Variants in CNTN5 observed in about 807,000 individuals in gnomAD.
CNTN5 encodes contactin 5, also known as contactin-5.
Under a neutral mutation model 129.1 loss-of-function variants are expected in CNTN5, and 77 were observed. The observed-to-expected ratio is 0.60, with a 90% confidence interval of 0.50 to 0.72. CNTN5 has a LOEUF of 0.72. Ranked by LOEUF, CNTN5 falls within the 30% of genes least tolerant of loss-of-function variation. The pLI, the probability that CNTN5 is intolerant of heterozygous loss-of-function variation, is 0.00. For missense variants in CNTN5, 1,478 were observed against 1,328.8 expected (o/e 1.11, Z -1.75); for synonymous variants, 509 against 465.6 (o/e 1.09, Z -1.20).
At chr11:99,609,030 C>G (rs1347155578) in intron 3 of CNTN5, among the ~76,000 whole-genome samples, 1 of 152,106 alleles carries the variant, frequency 6.6e-6, no homozygotes, top group Non-Finnish European at 1.5e-5. Flanking sequence ...GCTTTGTATG[C>G]CAGTTTCACA....
In CNTN5 at chr11:99,635,856, A is replaced by T. The variant is rs1951530704; in HGVS notation, c.55+79587A>T. On this transcript the variant is annotated intron_variant, in intron 3 of 24. Transcript: ENST00000524871. ...TTATTACAGTCACTTTATTTATAAA[A>T]GTATAAAACCCAGGAAAAAATTTCC... Among the ~76,000 whole-genome samples, 3 of 152,280 alleles carry T rather than the reference A, an allele frequency of 2.0e-5. 1 individual carries two copies. In the South Asian group the frequency reaches 6.2e-4, roughly 32 times the overall value.
intron 1 of CNTN5, among the ~76,000 whole-genome samples, chr11:99,134,366 TA>T (rs1433662858): frequency 2.0e-5 from 3 of 152,128 alleles, no homozygotes; most frequent in African/African-American, 7.2e-5. Flanking sequence ...TTTACCTGTA[TA>T]AAAAACCTGC....
intron 2 of CNTN5, among the ~76,000 whole-genome samples, chr11:99,325,854 C>T (rs933984804): frequency 2.0e-5 from 3 of 152,064 alleles, no homozygotes; most frequent in Non-Finnish European, 4.4e-5. Context: ...CTTTCTCAAC[C>T]GACATATAAT....
At chr11:100,331,208 T>G (rs1329212245) in intron 21 of CNTN5, among the ~76,000 whole-genome samples, 1 of 152,084 alleles carries the variant, frequency 6.6e-6, no homozygotes, top group East Asian at 1.9e-4. Flanking sequence ...AAACAAACTT[T>G]AAAGCAACAG....
intron 13 of CNTN5, among the ~76,000 whole-genome samples, chr11:100,138,596 G>A (rs1456193383): frequency 1.3e-5 from 2 of 152,076 alleles, no homozygotes; most frequent in Non-Finnish European, 2.9e-5. Flanking sequence ...TACTATGGCT[G>A]ATGATGATTG....
chr11:99,823,776 T>C (rs1261016895), intron 4 of CNTN5, among the ~76,000 whole-genome samples: 1 of 152,142 alleles, frequency 6.6e-6, no homozygotes, highest in Non-Finnish European at 1.5e-5. Flanking sequence ...AGTATTTTGC[T>C]TGGATTGTGT....
rs113458728 is a variant in CNTN5 at position 100,267,253 on chromosome 11, CCACACACACA to C, written c.2165-3820_2165-3811del. Among the ~76,000 whole-genome samples the C allele has an allele frequency of 6.1e-3, 881 of 143,848 alleles. 8 individuals are homozygous for C. The highest frequency in any genetic ancestry group is 0.021 in the African/African-American group (825 of 38,608). 94.4% of individuals were successfully genotyped at this position (143,848 alleles called of 152,430 possible). A position where few individuals can be genotyped will look rare whatever the true frequency, so the allele number is the denominator to read the frequency against. ...CCTTCTTTGTTTTCACATGAATCAA[CCACACACACA>C]CACACACACACACACACAGAGAGAG... On this transcript the variant is annotated intron_variant, in intron 17 of 24. Transcript: ENST00000524871.
chr11:99,818,701 T>TAC (rs145942049), intron 3 of CNTN5, among the ~76,000 whole-genome samples: 4,797 of 152,302 alleles, frequency 0.031, 199 homozygotes, highest in Admixed American at 0.094. Flanking sequence ...TTGATCCATA[T>TAC]ACTAAACTTA....
intron 3 of CNTN5, among the ~76,000 whole-genome samples, chr11:99,606,632 ATCACCAAG>A (rs1565341909): frequency 1.5e-5 from 2 of 137,802 alleles, no homozygotes; most frequent in Non-Finnish European, 3.2e-5. Flanking sequence ...AAGAGCCCGC[ATCACCAAG>A]TCAATCCTAA....
intron 7 of CNTN5, among the ~76,000 whole-genome samples, chr11:99,956,019 T>A (rs1159123483): frequency 6.6e-6 from 1 of 152,188 alleles, no homozygotes. Flanking sequence ...CTGTTTTTCT[T>A]ATATTTAAAT....
At chr11:100,063,706 TAAAAAAAAAA>T (rs35896237) in intron 10 of CNTN5, among the ~76,000 whole-genome samples, 1 of 115,284 alleles carries the variant, frequency 8.7e-6, no homozygotes, top group African/African-American at 3.3e-5. Context: ...AACCTGTCTC[TAAAAAAAAAA>T]AAAAAAAAAA....
At chr11:99,772,942 T>A (rs981200473) in intron 3 of CNTN5, among the ~76,000 whole-genome samples, 3 of 151,900 alleles carry the variant, frequency 2.0e-5, no homozygotes, top group African/African-American at 7.3e-5. Flanking sequence ...GAATTTTAGA[T>A]TTTTTTTCAG....
intron 21 of CNTN5, among the ~76,000 whole-genome samples, chr11:100,318,242 GAAAA>G (rs66824133): frequency 3.3e-4 from 25 of 76,750 alleles, no homozygotes; most frequent in African/African-American, 1.2e-3. Flanking sequence ...CTCTGTCTCA[GAAAA>G]AAAAAAAAAA....
intron 7 of CNTN5, among the ~76,000 whole-genome samples, chr11:99,943,792 T>C (rs1460195458): frequency 6.6e-6 from 1 of 152,180 alleles, no homozygotes; most frequent in Non-Finnish European, 1.5e-5. Context: ...AAACAGGGAA[T>C]CCTTTCCCCA....
chr11:99,908,429 G>A (rs1463227865), intron 6 of CNTN5, among the ~76,000 whole-genome samples: 1 of 151,874 alleles, frequency 6.6e-6, no homozygotes, highest in Non-Finnish European at 1.5e-5. Context: ...TGTGTATGTT[G>A]TATTTATCCT....
chr11:100,036,951 A>G (rs2137649171), intron 9 of CNTN5, among the ~76,000 whole-genome samples: 1 of 149,854 alleles, frequency 6.7e-6, no homozygotes, highest in Non-Finnish European at 1.5e-5. Context: ...CTAATTGAAG[A>G]CCCTTTATTC....
At chr11:99,576,379 G>C (rs72995278) in intron 3 of CNTN5, among the ~76,000 whole-genome samples, 8,017 of 152,276 alleles carry the variant, frequency 0.053, 301 homozygotes, top group Non-Finnish European at 0.074. Flanking sequence ...TGGAGAAATA[G>C]AAAGTGTTTT....
intron 16 of CNTN5, among the ~76,000 whole-genome samples, chr11:100,231,750 C>A (rs1949494903): frequency 6.6e-6 from 1 of 152,194 alleles, no homozygotes; most frequent in African/African-American, 2.4e-5. Context: ...CCATTCTATT[C>A]TATTCTAAGC....
At chr11:99,863,101 G>A (rs1948258333) in intron 6 of CNTN5, among the ~76,000 whole-genome samples, 1 of 152,060 alleles carries the variant, frequency 6.6e-6, no homozygotes, top group African/African-American at 2.4e-5. Context: ...TTTGCTGTTG[G>A]CCTTCTGTTG....
Sources: gnomAD v4.1 joint callset for allele counts (sites outside exome capture counted in the v4.1 genomes callset) on GRCh38, gnomAD v4.1.1 for gene constraint, MANE v1.5 for transcripts, NCBI Gene and HGNC (gene_info 2026-07-23, HGNC 2026-07-21) for gene names.